Variants in TG observed in about 807,000 individuals in gnomAD.
TG encodes the protein thyroid hormones.
A neutral mutation model predicts 324.7 loss-of-function variants in TG; 270 were observed. The ratio of observed to expected loss-of-function variants is 0.83; its 90% CI spans 0.75 to 0.92. The LOEUF is 0.92. TG is among the 40% of genes least tolerant of loss of function. The pLI is 0.00. For synonymous variants in TG, 1,401 were observed against 1,327.0 expected (o/e 1.06, Z -1.21); for missense variants, 3,591 against 3,456.4 (o/e 1.04, Z -0.98).
rs532779295 is a variant in TG at position 133,116,958 on chromosome 8, A to G, written c.7862+242A>G. Among the ~76,000 whole-genome samples the G allele has an allele frequency of 3.9e-5, 6 of 152,286 alleles. No individual in the cohort carries two copies. In the South Asian group the frequency reaches 1.0e-3, roughly 26 times the overall value. On this transcript the variant is annotated intron_variant, in intron 45 of 47. Transcript: ENST00000220616. ...TTTAGAACTGCAATGTTAGTTATTA[A>G]TTGATTAATTTGACTTGAGAGAGGA... is the stretch of plus-strand genomic sequence containing the variant.
intron 45 of TG, among the ~76,000 whole-genome samples, chr8:133,120,902 G>A (rs1297434201): frequency 2.6e-5 from 4 of 152,200 alleles, no homozygotes; most frequent in African/African-American, 9.7e-5. Context: ...TTGGATTGGG[G>A]TGGTCCTCAG....
In TG at chr8:133,096,059, C is replaced by T. The variant is rs540686796; in HGVS notation, c.7405-147C>T. On this transcript the variant is annotated intron_variant, in intron 42 of 47. Transcript: ENST00000220616. The stretch of plus-strand genomic sequence containing the variant: ...GCCCCTGACTTTGTCACATGGTGTC[C>T]TGCCTGCCAGTTGTCCTGGTCACTT... The T allele has an allele frequency of 6.4e-6, 6 of 940,986 alleles. No homozygotes were observed. In the East Asian group the frequency reaches 9.7e-5, roughly 15 times the overall value. 58.3% of individuals were successfully genotyped at this position (940,986 alleles called of 1,614,324 possible).
At chr8:132,887,583 T>C in intron 9 of TG, 35 bp downstream of exon 9, 1 of 1,614,092 alleles carries the variant, frequency 6.2e-7, no homozygotes, top group East Asian at 2.2e-5. Flanking sequence ...GTAGGTTCCC[T>C]GAGTCTCTCT....
chr8:132,993,250 G>A (rs1319019789), intron 35 of TG, among the ~76,000 whole-genome samples: 2 of 152,206 alleles, frequency 1.3e-5, no homozygotes, highest in South Asian at 2.1e-4. Context: ...TTGAAGAAAT[G>A]AATGAATAAC....
At chr8:133,047,804 G>T in intron 41 of TG, 1 of 1,264,418 alleles carries the variant, frequency 7.9e-7, no homozygotes, top group Non-Finnish European at 1.2e-6. Flanking sequence ...CCCCGGATGG[G>T]GAAAGATGAG....
At chr8:133,131,594 C>A (rs1851953114) in intron 45 of TG, among the ~76,000 whole-genome samples, 1 of 152,200 alleles carries the variant, frequency 6.6e-6, no homozygotes, top group Non-Finnish European at 1.5e-5. Context: ...CTCACTTTAG[C>A]AACAGACATG....
chr8:132,931,390 G>A (rs1460386404), intron 23 of TG, among the ~76,000 whole-genome samples: 1 of 152,198 alleles, frequency 6.6e-6, no homozygotes, highest in Admixed American at 6.5e-5. Flanking sequence ...GAAAAATCAA[G>A]GTGGTTTTAC....
intron 41 of TG, chr8:133,073,315 A>G (rs1844355431): frequency 6.6e-6 from 1 of 152,176 alleles, no homozygotes; most frequent in African/African-American, 2.4e-5. Context: ...TTTTAATATT[A>G]TTATACTTTC....
rs183326163 is a variant in TG, at chr8:132,878,204, G to A, written c.639-3659G>A. 4.6e-5 allele frequency among the ~76,000 whole-genome samples: 7 copies of A among 152,272 alleles called. No individual in the cohort carries two copies. The East Asian group carries it at 1.3e-3, about 29-fold the overall frequency. ...ATGTTTTCTTCTATTGATGATGGAG[G>A]GAACTTGGTTCCTCGGGTCCTCATG... On this transcript the variant is annotated intron_variant, in intron 5 of 47. Transcript: ENST00000220616.
At position 133,029,297 on chromosome 8, in the gene TG, C is replaced by A. The variant is rs538464828; in HGVS notation, c.7037-524C>A. Among the ~76,000 whole-genome samples the A allele has an allele frequency of 1.5e-3, 227 of 151,614 alleles. 2 individuals carry two copies. Among genetic ancestry groups the A allele is most frequent in the South Asian group, 9.0e-3 (43 of 4,800 alleles). On this transcript the variant is annotated intron_variant, in intron 40 of 47. Transcript: ENST00000220616. ...GGATTCTATGAAAAAGGAAAGAGAT[C>A]AATTCAGTTGCATGCTAATAAAGGC...
intron 22 of TG, among the ~76,000 whole-genome samples, chr8:132,928,260 A>C (rs1032599943): frequency 6.6e-5 from 10 of 152,214 alleles, no homozygotes; most frequent in African/African-American, 2.4e-4. Context: ...GTGCTTGTAT[A>C]TATGTTTATA....
chr8:132,916,690 A>G (rs868463483), intron 20 of TG, among the ~76,000 whole-genome samples: 2 of 152,082 alleles, frequency 1.3e-5, no homozygotes, highest in South Asian at 4.2e-4. Flanking sequence ...CAGAGACCTT[A>G]TTTGCAGCCC....
chr8:132,948,320 C>T (rs980981590), intron 26 of TG, among the ~76,000 whole-genome samples: 4 of 150,290 alleles, frequency 2.7e-5, no homozygotes, highest in African/African-American at 9.8e-5. Context: ...AGAGCGAGAG[C>T]GAGAGAGAGA....
chr8:133,133,727 A>G (rs927075276), intron 47 of TG, 67 bp downstream of exon 47: 9 of 1,553,040 alleles, frequency 5.8e-6, no homozygotes, highest in Non-Finnish European at 7.9e-6. Context: ...TGCTCGCTGC[A>G]TGAGACCTGT....
chr8:133,113,365 C>T lies in TG; in HGVS notation c.7573-57C>T, dbSNP rs866176633. 4.2e-5 allele frequency: 67 copies of T among 1,601,808 alleles called. No individual in the cohort carries two copies. In the African/African-American group the frequency reaches 7.8e-4, roughly 19 times the overall value. ...TTCTAGAGCAAGGGTTTGAGGGACA[C>T]TGACTTGGACCTTTCAGAATCCAAC... On this transcript the variant is annotated intron_variant, in intron 43 of 47. Transcript: ENST00000220616.
intron 41 of TG, among the ~76,000 whole-genome samples, chr8:133,062,667 G>T (rs1192632540): frequency 6.6e-6 from 1 of 152,144 alleles, no homozygotes; most frequent in African/African-American, 2.4e-5. Flanking sequence ...TGCAGAGGCC[G>T]CTCTGCACAG....
intron 38 of TG, among the ~76,000 whole-genome samples, chr8:133,018,584 C>T (rs758328603): frequency 6.6e-6 from 1 of 151,358 alleles, no homozygotes; most frequent in Non-Finnish European, 1.5e-5. Flanking sequence ...TCAAAAATTT[C>T]ATTTTTTCCT....
In TG at chr8:132,898,900, C is replaced by G. The variant is rs1050230988; in HGVS notation, c.3320C>G (p.Ala1107Gly). 4 of 1,613,776 alleles carry G rather than the reference C, an allele frequency of 2.5e-6. No individual in the cohort carries two copies. Among genetic ancestry groups the G allele is most frequent in the African/African-American group, 1.3e-5 (1 of 74,924 alleles). ...TCTCCAAAAGACCTGTTCGTCCCAG[C>G]CTGCCTAGAAGTAAGGGTCTGGAAG... ...NPSPKDLFVPACLETGEYARL... is the reference protein window; with the variant it reads ...NPSPKDLFVPGCLETGEYARL... Residue 1107 changes from alanine (A) to glycine (G), a missense_variant, in exon 14 of 48, where the codon GCC becomes GGC. By Grantham distance (60) the Ala-to-Gly change is moderately conservative. Coordinates refer to ENST00000220616, the MANE Select transcript of TG (RefSeq NM_003235.5).
chr8:133,010,490 T>G (rs1378605516), intron 35 of TG, among the ~76,000 whole-genome samples: 1 of 152,072 alleles, frequency 6.6e-6, no homozygotes, highest in East Asian at 1.9e-4. Context: ...CAAGAAGGTG[T>G]GTGTATGTTA....
Sources: gnomAD v4.1 joint callset for allele counts (sites outside exome capture counted in the v4.1 genomes callset) on GRCh38, gnomAD v4.1.1 for gene constraint, MANE v1.5 for transcripts, NCBI Gene and HGNC (gene_info 2026-07-23, HGNC 2026-07-21) for gene names.